TCEA1: variants seen among roughly 807,000 people sequenced by gnomAD.
TCEA1 encodes transcription elongation factor A1, also known as transcription elongation factor A protein 1.
Under a neutral mutation model 43.8 loss-of-function variants are expected in TCEA1, and 21 were observed. The observed-to-expected ratio is 0.48, with a 90% CI of 0.34 to 0.69. The LOEUF (loss-of-function observed/expected upper bound fraction) is 0.69, where lower values mean the gene tolerates loss of function less well. TCEA1 is among the 30% of genes least tolerant of loss of function. TCEA1 has a pLI of 0.01. For synonymous variants in TCEA1, 104 were observed against 117.5 expected (o/e 0.88, Z 0.75); for missense variants, 250 against 365.1 (o/e 0.68, Z 2.57).
chr8:54,013,680 CAAAAAA>C (rs5891511), intron 1 of TCEA1, among the ~76,000 whole-genome samples: 2 of 65,300 alleles, frequency 3.1e-5, no homozygotes, highest in East Asian at 8.0e-4. Flanking sequence ...AACTCCATCT[CAAAAAA>C]AAAAAAAAAA....
At chr8:53,976,764 G>A (rs1563466616) in intron 8 of TCEA1, among the ~76,000 whole-genome samples, 1 of 152,112 alleles carries the variant, frequency 6.6e-6, no homozygotes, top group Non-Finnish European at 1.5e-5. Flanking sequence ...ATTTCTACCT[G>A]ATTAAAAGAA....
At chr8:53,973,289 A>C (rs1803221214) in intron 8 of TCEA1, 2 of 511,398 alleles carry the variant, frequency 3.9e-6, no homozygotes, top group Admixed American at 2.9e-5. Context: ...TCCAGGTCTT[A>C]AAGAAAGTGC....
chr8:53,988,388 G>T, intron 4 of TCEA1, 129 bp from the exon 5 acceptor site: 1 of 1,114,894 alleles, frequency 9.0e-7, no homozygotes, highest in Non-Finnish European at 1.2e-6. Flanking sequence ...TGACCTTTAT[G>T]TGATGGAAAA....
intron 1 of TCEA1, chr8:54,021,846 G>A (rs373120089): frequency 4.9e-6 from 2 of 405,334 alleles, no homozygotes; most frequent in Non-Finnish European, 8.6e-6. Context: ...AGCGAGCAGG[G>A]ACTGGAAATA....
At chr8:53,976,379 C>T (rs1256509851) in intron 8 of TCEA1, among the ~76,000 whole-genome samples, 1 of 152,174 alleles carries the variant, frequency 6.6e-6, no homozygotes, top group Non-Finnish European at 1.5e-5. Context: ...ATTCTGATAT[C>T]CAGGGCCCCA....
Position 54,010,441 on chromosome 8 carries a change from C to T in TCEA1, c.115G>A (p.Glu39Lys). The stretch of plus-strand genomic sequence containing the variant: ...ATAAAAGCACATACCTGCAGTAATT[C>T]CAGGGTCATAGGAATATTCTTAAGC... ...KELKNIPMTL[E>K]LLQSTRIGMS... Residue 39 changes from glutamate to lysine, a missense_variant, in exon 2 of 10, where the codon GAA (glutamate) becomes AAA (lysine). Around this residue, in one of 4 missense-constraint regions of TCEA1, gnomAD observed 27 missense variants for 63.1 expected, o/e 0.43. Coordinates refer to ENST00000521604, the MANE Select transcript of TCEA1 (RefSeq NM_006756.4). 6.2e-7 allele frequency: 1 copy of T among 1,604,840 alleles called. No homozygotes were observed. The highest frequency in any genetic ancestry group is 2.2e-5 in the East Asian group (1 of 44,678).
chr8:53,990,514 A>G (rs1803844099), intron 4 of TCEA1, among the ~76,000 whole-genome samples: 1 of 152,046 alleles, frequency 6.6e-6, no homozygotes, highest in African/African-American at 2.4e-5. Flanking sequence ...GGCATGTGCC[A>G]TCACACCTGT....
intron 7 of TCEA1, among the ~76,000 whole-genome samples, chr8:53,982,863 G>C (rs145928632): frequency 4.7e-4 from 71 of 152,286 alleles, no homozygotes; most frequent in African/African-American, 1.6e-3. Context: ...TGTCAACTTA[G>C]TTGATAAGGC....
rs1041461071 is a variant in TCEA1, at chr8:54,022,401, T to A, written c.-276A>T. Reference sequence around the variant, plus strand: ...ATCGCTGGTGAGGGGCGAGCCCATGTTCCCGCCAGGCGGGCGTCGGGCTAG... The same window carrying A: ...ATCGCTGGTGAGGGGCGAGCCCATGATCCCGCCAGGCGGGCGTCGGGCTAG... On this transcript the variant is annotated 5_prime_UTR_variant, in exon 1 of 10. Transcript: ENST00000521604. 8.5e-6 allele frequency: 4 copies of A among 470,830 alleles called. No individual in the cohort carries two copies. The highest frequency in any genetic ancestry group is 6.3e-5 in the African/African-American group (3 of 47,896). The allele number at this position is 470,830 out of a possible 1,614,324, so 29.2% of individuals were successfully genotyped here. A position where few individuals can be genotyped will look rare whatever the true frequency, so the allele number is the denominator to read the frequency against.
At chr8:54,002,713 C>T (rs980587109) in intron 2 of TCEA1, among the ~76,000 whole-genome samples, 1 of 152,070 alleles carries the variant, frequency 6.6e-6, no homozygotes, top group Non-Finnish European at 1.5e-5. Flanking sequence ...ATAGGTTATA[C>T]GAAAGTATTC....
At chr8:53,970,625 A>G (rs901114695) in intron 8 of TCEA1, among the ~76,000 whole-genome samples, 162 bp from the exon 9 acceptor site, 1 of 152,200 alleles carries the variant, frequency 6.6e-6, no homozygotes, top group African/African-American at 2.4e-5. Context: ...ATGTCAACAG[A>G]GCACGCACTT....
At chr8:54,015,101 T>C (rs1320119931) in intron 1 of TCEA1, among the ~76,000 whole-genome samples, 1 of 152,186 alleles carries the variant, frequency 6.6e-6, no homozygotes, top group Admixed American at 6.5e-5. Context: ...GTAAAACAGT[T>C]ACTTCTTCTA....
In TCEA1 at chr8:53,970,613, T is replaced by C. The variant is rs1037374939; in HGVS notation, c.826-150A>G. On this transcript the variant is annotated intron_variant, in intron 8 of 9. Coordinates refer to ENST00000521604, the MANE Select transcript of TCEA1 (RefSeq NM_006756.4). The stretch of plus-strand genomic sequence containing the variant: ...CTGAAACAAGTTCAAATAAGCTAAA[T>C]AATGTCAACAGAGCACGCACTTCCA... 51 of 540,900 alleles carry C rather than the reference T, an allele frequency of 9.4e-5. No homozygotes were observed. The South Asian group carries it at 1.5e-3, about 16-fold the overall frequency. 33.5% of individuals were successfully genotyped at this position (540,900 alleles called of 1,614,324 possible). A position where few individuals can be genotyped will look rare whatever the true frequency, so the allele number is the denominator to read the frequency against.
Position 53,988,150 on chromosome 8 carries a change from A to C in TCEA1, c.430T>G (p.Cys144Gly), listed in dbSNP as rs1442989856. The C allele has an allele frequency of 9.3e-6, 15 of 1,612,446 alleles. No homozygotes were observed. The highest frequency in any genetic ancestry group is 1.3e-5 in the African/African-American group (1 of 74,900). Residue 144 changes from cysteine (C) to glycine (G), a missense_variant, in exon 5 of 10, where the codon TGT becomes GGT. By Grantham distance (159) the Cys-to-Gly change is radical. Transcript: ENST00000521604. ...PSTSDSVRLK[C>G]REMLAAALRT... is the part of the protein sequence containing the mutation. ...AGAGCTGCAGCAAGCATCTCCCTAC[A>C]CTTCAACCGCACAGAATCAGAAGTG...
At chr8:54,007,392 G>T (rs574689730) in intron 2 of TCEA1, among the ~76,000 whole-genome samples, 37 of 151,952 alleles carry the variant, frequency 2.4e-4, no homozygotes, top group Non-Finnish European at 4.6e-4. Context: ...TGTTGCCCAG[G>T]CTGGTCTTGA....
intron 1 of TCEA1, among the ~76,000 whole-genome samples, chr8:54,016,393 C>A (rs1804828922): frequency 6.6e-6 from 1 of 152,048 alleles, no homozygotes; most frequent in Non-Finnish European, 1.5e-5. Flanking sequence ...ATGGTGGGAA[C>A]CCGGGAGGCG....
intron 1 of TCEA1, among the ~76,000 whole-genome samples, chr8:54,018,728 T>C (rs534775158): frequency 6.6e-6 from 1 of 152,344 alleles, no homozygotes; most frequent in East Asian, 1.9e-4. Flanking sequence ...CAAGTACACA[T>C]GTGGGACAAC....
intron 9 of TCEA1, among the ~76,000 whole-genome samples, chr8:53,968,704 T>C (rs2129297195): frequency 6.6e-6 from 1 of 152,030 alleles, no homozygotes; most frequent in South Asian, 2.1e-4. Flanking sequence ...TAGCCAGGCA[T>C]GGTGGTCCCA....
At chr8:54,008,540 C>T (rs1460127194) in intron 2 of TCEA1, among the ~76,000 whole-genome samples, 1 of 151,378 alleles carries the variant, frequency 6.6e-6, no homozygotes, top group Admixed American at 6.6e-5. Context: ...TCCCCAGTTA[C>T]TTGGGGGTAA....
Sources: gnomAD v4.1 joint callset for allele counts (sites outside exome capture counted in the v4.1 genomes callset) on GRCh38, gnomAD v4.1.1 for gene constraint, gnomAD v4.1.1 regional missense constraint, MANE v1.5 for transcripts, NCBI Gene and HGNC (gene_info 2026-07-23, HGNC 2026-07-21) for gene names.